Variants in PKD1 observed in about 807,000 individuals in gnomAD.
PKD1 encodes polycystin-1.
In PKD1, 81 loss-of-function variants were observed where a neutral mutation model predicts 361.7. That is an observed-to-expected ratio of 0.22 (90% CI 0.19 to 0.27). PKD1 has a LOEUF of 0.27. Ranked by LOEUF, PKD1 falls within the 10% of genes least tolerant of loss-of-function variation. The pLI is 1.00. For synonymous variants in PKD1, 3,615 were observed against 2,818.3 expected (o/e 1.28, Z -8.95); for missense variants, 6,399 against 6,118.3 (o/e 1.05, Z -1.53).
intron 1 of PKD1, among the ~76,000 whole-genome samples, chr16:2,121,222 G>A (rs1003005071): frequency 2.6e-5 from 4 of 151,438 alleles, no homozygotes; most frequent in Non-Finnish European, 5.9e-5. Context: ...AGAATTAGTC[G>A]GGCGTGGTGG....
At position 2,107,964 on chromosome 16, in the gene PKD1, C is replaced by T. The variant is rs764393503; in HGVS notation, c.6984G>A (p.Glu2328=). 6 of 1,548,310 alleles carry T rather than the reference C, an allele frequency of 3.9e-6. No homozygotes were observed. Among genetic ancestry groups the T allele is most frequent in the South Asian group, 3.6e-5 (3 of 84,104 alleles). Residue 2328 remains glutamate (E), a synonymous_variant, in exon 16 of 46, where the codon GAG becomes GAA. Transcript: ENST00000262304. Reference sequence around the variant, plus strand: ...TGTACTCCACGCCAGCCGCCAGCCGCTCCCGTGGAATGGTGACCGTGCTGC... The same window carrying T: ...TGTACTCCACGCCAGCCGCCAGCCGTTCCCGTGGAATGGTGACCGTGCTGC... ...RGSSTVTIPR[E]RLAAGVEYTF...
chr16:2,092,418 T>A (rs1567154764), intron 39 of PKD1, 62 bp downstream of exon 39: 2 of 1,220,892 alleles, frequency 1.6e-6, no homozygotes, highest in Admixed American at 1.8e-5. Flanking sequence ...AGAGCTCCGC[T>A]AAAGGCTGCT....
intron 1 of PKD1, chr16:2,123,636 C>T (rs998610564): frequency 2.4e-5 from 10 of 423,280 alleles, no homozygotes; most frequent in Non-Finnish European, 3.8e-5. Context: ...CCTGCCCCCA[C>T]GTTCTGGTTC....
Position 2,135,624 on chromosome 16 carries a change from C to T in PKD1, c.66G>A (p.Leu22=). The part of the protein sequence containing the change: ...ALGLGLWLGA[L]AGGPGRGCGP... ...CGCAGCCGCGCCCGGGGCCCCCCGC[C>T]AGCGCCCCGAGCCACAGGCCCAGGC... The change falls in exon 1 of 46, where the codon CTG becomes CTA. Residue 22 remains leucine, a synonymous_variant. Transcript: ENST00000262304. 1.0e-6 allele frequency: 1 copy of T among 966,222 alleles called. No homozygotes were observed. Among genetic ancestry groups the T allele is most frequent in the Non-Finnish European group, 1.2e-6 (1 of 811,724 alleles). 59.9% of individuals were successfully genotyped at this position (966,222 alleles called of 1,614,324 possible).
intron 41 of PKD1, 38 bp from the exon 42 acceptor site, chr16:2,091,635 G>A (rs761870700): frequency 5.1e-5 from 79 of 1,560,412 alleles, no homozygotes; most frequent in Non-Finnish European, 6.5e-5. Context: ...GCGGGTGGCA[G>A]GGCGGGAGCT....
intron 26 of PKD1, 186 bp downstream of exon 26, chr16:2,101,875 C>T (rs1472400511): frequency 1.6e-6 from 1 of 626,366 alleles, no homozygotes. Flanking sequence ...CAGCTAGGAG[C>T]TGTCCTAGTC....
chr16:2,127,786 G>C (rs1442323760), intron 1 of PKD1, among the ~76,000 whole-genome samples: 1 of 151,072 alleles, frequency 6.6e-6, no homozygotes, highest in Non-Finnish European at 1.5e-5. Flanking sequence ...AGGTGGAGGC[G>C]CTGGGACGTG....
In PKD1 at chr16:2,093,067, C is replaced by A. The variant is rs773876835; in HGVS notation, c.11043G>T (p.Leu3681=). The A allele has an allele frequency of 8.1e-6, 13 of 1,612,662 alleles. No homozygotes were observed. Among genetic ancestry groups the A allele is most frequent in the Non-Finnish European group, 1.1e-5 (13 of 1,179,992 alleles). ...LRSLLVYMLF[L]LVTLLASYGD... The stretch of plus-strand genomic sequence containing the variant: ...CATAGCTGGCCAGCAGGGTCACCAG[C>A]AGAAAAAGCATGTACACCAGGAGGC... The change falls in exon 38 of 46, where the codon CTG becomes CTT. Residue 3681 remains leucine (L), a synonymous_variant. Transcript: ENST00000262304.
intron 30 of PKD1, chr16:2,098,202 G>A (rs1384693047): frequency 3.4e-6 from 2 of 596,504 alleles, no homozygotes; most frequent in South Asian, 4.0e-5. Flanking sequence ...CTAAGGAACA[G>A]AGTTTTAAAT....
chr16:2,094,444 C>T (rs2091756721), intron 34 of PKD1, among the ~76,000 whole-genome samples: 1 of 152,186 alleles, frequency 6.6e-6, no homozygotes, highest in Non-Finnish European at 1.5e-5. Flanking sequence ...CTCCCGCCCG[C>T]TTGCTGCTGA....
Position 2,092,564 on chromosome 16 carries a change from G to C in PKD1, c.11185C>G (p.His3729Asp), listed in dbSNP as rs752335203. Residue 3729 changes from histidine (H) to aspartate (D), a missense_variant, in exon 39 of 46, where the codon CAC becomes GAC. Coordinates refer to ENST00000262304, the MANE Select transcript of PKD1 (RefSeq NM_001009944.3). ...RSEELWPWMA[H>D]VLLPYVHGNQ... ...CCGTGGACGTAGGGCAGCAGCACGT[G>C]GGCCATCCATGGCCAGAGCTCCTCA... 6.2e-7 allele frequency: 1 copy of C among 1,612,138 alleles called. No homozygotes were observed. Among genetic ancestry groups the C allele is most frequent in the African/African-American group, 1.3e-5 (1 of 75,042 alleles).
chr16:2,103,208 C>T (rs573977982), intron 23 of PKD1, 58 bp downstream of exon 23: 112 of 1,551,914 alleles, frequency 7.2e-5, no homozygotes, highest in Admixed American at 3.1e-4. Context: ...CTACGAGAAA[C>T]GCCTTCCCCC....
At chr16:2,122,650 C>A (rs578102622) in intron 1 of PKD1, among the ~76,000 whole-genome samples, 2 of 152,344 alleles carry the variant, frequency 1.3e-5, no homozygotes, top group Middle Eastern at 6.8e-3. Context: ...AAGCACCATG[C>A]CCGAGGGGGA....
rs1009639666 is a variant in PKD1 at position 2,103,170 on chromosome 16, A to G, written c.8791+96T>C. ...CCAGCAGCCCATGAAACAGAAAGCA[A>G]ATTTCACCAGAGACACCCATGGAAG... On this transcript the variant is annotated intron_variant, in intron 23 of 45. Coordinates refer to ENST00000262304, the MANE Select transcript of PKD1 (RefSeq NM_001009944.3). 4.3e-5 allele frequency: 61 copies of G among 1,416,294 alleles called. 1 individual carries two copies. The South Asian group carries it at 6.7e-4, about 16-fold the overall frequency. 87.7% of individuals were successfully genotyped at this position (1,416,294 alleles called of 1,614,324 possible). A position where few individuals can be genotyped will look rare whatever the true frequency, so the allele number is the denominator to read the frequency against.
chr16:2,094,018 G>A lies in PKD1; in HGVS notation c.10619-5C>T, dbSNP rs1352133271. ...TCCGCAGACCCTCCACCAGTCCTGGGGAAGCAGAGACAGACCTGTGAGAGG... is the reference window on the plus strand; with the variant it reads ...TCCGCAGACCCTCCACCAGTCCTGGAGAAGCAGAGACAGACCTGTGAGAGG... On this transcript the variant is annotated splice_region_variant and splice_polypyrimidine_tract_variant and intron_variant, in intron 35 of 45. Coordinates refer to ENST00000262304, the MANE Select transcript of PKD1 (RefSeq NM_001009944.3). 2 of 1,590,996 alleles carry A rather than the reference G, an allele frequency of 1.3e-6. No individual in the cohort carries two copies. Among genetic ancestry groups the A allele is most frequent in the Non-Finnish European group, 1.7e-6 (2 of 1,169,952 alleles).
At chr16:2,130,821 G>A (rs2092865881) in intron 1 of PKD1, among the ~76,000 whole-genome samples, 1 of 152,216 alleles carries the variant, frequency 6.6e-6, no homozygotes, top group Admixed American at 6.5e-5. Context: ...GCAAGGCCCC[G>A]GGTGCTCCTA....
rs2091704506 is a variant in PKD1 at position 2,093,583 on chromosome 16, T to C, written c.10977A>G (p.Glu3659=). 3 of 1,607,972 alleles carry C rather than the reference T, an allele frequency of 1.9e-6. No individual in the cohort carries two copies. Among genetic ancestry groups the C allele is most frequent in the African/African-American group, 2.7e-5 (2 of 74,976 alleles). The change falls in exon 37 of 46, where the codon GAA becomes GAG. Residue 3659 remains glutamate, a synonymous_variant. Transcript: ENST00000262304. ...GTAGCCTCTTGACCTTGCGGGCTTC[T>C]TCCTTGGCCAGGAAGAGTGCAAAGC... The part of the protein sequence containing the change: ...PHGFALFLAK[E]EARKVKRLHG...
Position 2,108,675 on chromosome 16 carries a change from T to C in PKD1, c.6492A>G (p.Ser2164=), listed in dbSNP as rs1198605441. Residue 2164 remains serine, a synonymous_variant, in exon 15 of 46, where the codon TCA becomes TCG. Coordinates refer to ENST00000262304, the MANE Select transcript of PKD1 (RefSeq NM_001009944.3). ...CGTGGGCCTCCAAGTAGTTGCGCTG[T>C]GATCGCCGCATCAGCACCTGCAGGG... ...VLPLQVLMRR[S]QRNYLEAHVD... is the part of the protein sequence containing the mutation. 2.6e-6 allele frequency: 4 copies of C among 1,567,300 alleles called. No homozygotes were observed. Among genetic ancestry groups the C allele is most frequent in the African/African-American group, 1.4e-5 (1 of 73,920 alleles).
intron 1 of PKD1, among the ~76,000 whole-genome samples, chr16:2,131,161 C>T (rs1183393164): frequency 6.6e-6 from 1 of 152,132 alleles, no homozygotes; most frequent in Non-Finnish European, 1.5e-5. Context: ...CTGCAGGAGC[C>T]AGTTTCTTCA....
Sources: gnomAD v4.1 joint callset for allele counts (sites outside exome capture counted in the v4.1 genomes callset) on GRCh38, gnomAD v4.1.1 for gene constraint, MANE v1.5 for transcripts, NCBI Gene and HGNC (gene_info 2026-07-23, HGNC 2026-07-21) for gene names.